The following FGGY variants were observed in gnomAD, a reference collection of about 807,000 sequenced individuals.
FGGY encodes the protein FGGY carbohydrate kinase domain containing.
A neutral mutation model predicts 71.3 loss-of-function variants in FGGY; 72 were observed. The ratio of observed to expected loss-of-function variants is 1.01; its 90% confidence interval spans 0.84 to 1.23. The LOEUF is 1.23. Among genes scored for constraint, FGGY ranks in the 50% most tolerant of loss-of-function variants. FGGY has a pLI of 0.00. For missense variants in FGGY, 668 were observed against 682.3 expected (o/e 0.98, Z 0.23); for synonymous variants, 251 against 250.3 (o/e 1.00, Z -0.02).
intron 14 of FGGY, chr1:59,756,123 T>G (rs1253174823): frequency 6.6e-6 from 1 of 152,212 alleles, no homozygotes; most frequent in Admixed American, 6.5e-5. Context: ...CACTAAGATG[T>G]GTTTGACCAT....
chr1:59,731,297 T>C (rs2098025371), intron 14 of FGGY, among the ~76,000 whole-genome samples: 2 of 152,206 alleles, frequency 1.3e-5, no homozygotes, highest in Admixed American at 6.5e-5. Context: ...GGGCTTCTGC[T>C]CTTTAAACCT....
chr1:59,392,459 T>G (rs980703747), intron 5 of FGGY, among the ~76,000 whole-genome samples: 1 of 152,270 alleles, frequency 6.6e-6, no homozygotes, highest in South Asian at 2.1e-4. Flanking sequence ...TATCAGACTT[T>G]TCTCATCTGC....
At chr1:59,398,309 GTGCACTGCAACCTC>G (rs1190817915) in intron 5 of FGGY, among the ~76,000 whole-genome samples, 1 of 152,052 alleles carries the variant, frequency 6.6e-6, no homozygotes, top group Admixed American at 6.6e-5. Context: ...CACAGTCTCA[GTGCACTGCAACCTC>G]TGCTTCCCAG....
chr1:59,362,944 C>T lies in FGGY; in HGVS notation c.466-15805C>T, dbSNP rs146112872. Among the ~76,000 whole-genome samples the T allele has an allele frequency of 8.7e-3, 1,329 of 152,046 alleles. 46 individuals carry two copies. Among genetic ancestry groups the T allele is most frequent in the Admixed American group, 0.062 (948 of 15,282 alleles). ...CTGACAGACCATTTTTTTGCAAAGT[C>T]AAGAAATATTTTACTTGAAAAATAG... On this transcript the variant is annotated intron_variant, in intron 4 of 15. Coordinates refer to ENST00000303721, the MANE Select transcript of FGGY (RefSeq NM_018291.5).
At chr1:59,704,753 A>C (rs1489270749) in intron 14 of FGGY, among the ~76,000 whole-genome samples, 2 of 152,146 alleles carry the variant, frequency 1.3e-5, no homozygotes, top group African/African-American at 4.8e-5. Flanking sequence ...TTGTTGGTGT[A>C]GTTCTTTATA....
chr1:59,698,312 G>A (rs1052504248), intron 14 of FGGY, among the ~76,000 whole-genome samples: 1 of 151,948 alleles, frequency 6.6e-6, no homozygotes, highest in Non-Finnish European at 1.5e-5. Flanking sequence ...ATGATACTTG[G>A]TCCTTTACTT....
chr1:59,486,787 G>A (rs2093671035), intron 6 of FGGY, among the ~76,000 whole-genome samples: 2 of 152,190 alleles, frequency 1.3e-5, no homozygotes, highest in Non-Finnish European at 2.9e-5. Flanking sequence ...TGGAGGATAT[G>A]GTTCCAAAGT....
chr1:59,618,418 A>G (rs57687339), intron 9 of FGGY, among the ~76,000 whole-genome samples: 5,971 of 152,184 alleles, frequency 0.039, 188 homozygotes, highest in African/African-American at 0.089. Flanking sequence ...GAGAGCCACA[A>G]TGCAAACCCA....
intron 2 of FGGY, among the ~76,000 whole-genome samples, chr1:59,339,501 G>T (rs1216233281): frequency 6.6e-6 from 1 of 151,484 alleles, no homozygotes; most frequent in Non-Finnish European, 1.5e-5. Context: ...TTTCGCTCTT[G>T]TTGCCCAGGC....
At chr1:59,651,943 G>A (rs1447667203) in intron 11 of FGGY, among the ~76,000 whole-genome samples, 1 of 151,676 alleles carries the variant, frequency 6.6e-6, no homozygotes, top group Non-Finnish European at 1.5e-5. Context: ...TTTAGGGCAG[G>A]CCTGGTGGTG....
At position 59,517,616 on chromosome 1, in the gene FGGY, A is replaced by G. The variant is rs60437523; in HGVS notation, c.799+5177A>G. On this transcript the variant is annotated intron_variant, in intron 7 of 15. Transcript: ENST00000303721. ...CTGGGAAGCCCTCCCTGACTTCCCA[A>G]GTTGACTTAAGCACTCTCTTTTTCC... 2.6e-5 allele frequency among the ~76,000 whole-genome samples: 4 copies of G among 152,196 alleles called. No homozygotes were observed. In the East Asian group the frequency reaches 7.7e-4, roughly 29 times the overall value.
chr1:59,756,955 A>C (rs2098296881), intron 14 of FGGY, among the ~76,000 whole-genome samples: 1 of 149,198 alleles, frequency 6.7e-6, no homozygotes, highest in Non-Finnish European at 1.5e-5. Flanking sequence ...TTTCTCCAGG[A>C]TAAAGAGTAT....
intron 1 of FGGY, chr1:59,318,733 T>C (rs2045891949): frequency 6.6e-6 from 1 of 152,250 alleles, no homozygotes; most frequent in African/African-American, 2.4e-5. Flanking sequence ...GGGTATTGAA[T>C]AGATTTTTCA....
chr1:59,416,782 C>T (rs2064507805), intron 5 of FGGY, among the ~76,000 whole-genome samples: 2 of 152,020 alleles, frequency 1.3e-5, no homozygotes, highest in Admixed American at 1.3e-4. Context: ...AAAACCTTTC[C>T]CAGGAATCTT....
At chr1:59,497,496 G>A (rs1213697715) in intron 6 of FGGY, among the ~76,000 whole-genome samples, 1 of 152,216 alleles carries the variant, frequency 6.6e-6, no homozygotes, top group Non-Finnish European at 1.5e-5. Context: ...GCTGAGGCAG[G>A]AGAATAGTTT....
At chr1:59,305,968 A>G (rs575671199) in intron 1 of FGGY, among the ~76,000 whole-genome samples, 4 of 152,148 alleles carry the variant, frequency 2.6e-5, no homozygotes, top group Admixed American at 6.5e-5. Context: ...CAACTCAGGG[A>G]GACTGCTGGG....
At chr1:59,320,501 C>A (rs915984002) in intron 1 of FGGY, among the ~76,000 whole-genome samples, 1 of 152,114 alleles carries the variant, frequency 6.6e-6, no homozygotes, top group Non-Finnish European at 1.5e-5. Flanking sequence ...CTTTCAAAGC[C>A]AATCTGGAAA....
chr1:59,556,505 T>C (rs980498580), intron 8 of FGGY, among the ~76,000 whole-genome samples: 2 of 152,174 alleles, frequency 1.3e-5, no homozygotes, highest in Admixed American at 6.5e-5. Context: ...TAACTCTGAT[T>C]CCAAAGCTCA....
intron 13 of FGGY, among the ~76,000 whole-genome samples, chr1:59,671,049 CA>C (rs1228302780): frequency 6.6e-6 from 1 of 152,204 alleles, no homozygotes; most frequent in Non-Finnish European, 1.5e-5. Context: ...TTTATTCACT[CA>C]AAAGCATTCT....
Sources: allele counts gnomAD v4.1 joint callset (sites outside exome capture counted in the v4.1 genomes callset), GRCh38; gene constraint gnomAD v4.1.1; transcripts MANE v1.5; gene names NCBI Gene and HGNC (gene_info 2026-07-23, HGNC 2026-07-21).